AUTS2: variants seen among roughly 807,000 people sequenced by gnomAD.
AUTS2 encodes the protein autism susceptibility gene 2 protein.
Under a neutral mutation model 112.4 loss-of-function variants are expected in AUTS2, and 17 were observed. The ratio of observed to expected loss-of-function variants is 0.15; its 90% CI spans 0.10 to 0.23. The LOEUF is 0.23. Among genes scored for constraint, AUTS2 ranks in the 10% least tolerant of loss-of-function variants. The pLI is 1.00. For synonymous variants in AUTS2, 751 were observed against 702.7 expected, an observed-to-expected ratio of 1.07 and a Z score of -1.09; for missense variants, 1,510 against 1,701.6, an observed-to-expected ratio of 0.89 and a Z score of 1.98.
In AUTS2 at chr7:70,762,488, G is replaced by A. The variant is rs1476209914; in HGVS notation, c.743-382G>A. Among the ~76,000 whole-genome samples the A allele has an allele frequency of 2.6e-5, 4 of 151,854 alleles. No individual in the cohort carries two copies. The South Asian group carries it at 8.4e-4, about 32-fold the overall frequency. ...TTGCTATGTTGCCCAGGCTGGTCTCGAACTCCTGGGCTCAAGCAATCCTTC... is the reference window on the plus strand; with the variant it reads ...TTGCTATGTTGCCCAGGCTGGTCTCAAACTCCTGGGCTCAAGCAATCCTTC... On this transcript the variant is annotated intron_variant, in intron 6 of 18. Transcript: ENST00000342771.
At chr7:70,104,253 T>C (rs1168236548) in intron 2 of AUTS2, among the ~76,000 whole-genome samples, 2 of 152,152 alleles carry the variant, frequency 1.3e-5, no homozygotes, top group Admixed American at 6.5e-5. Context: ...AAGTTGTTTT[T>C]TCTTTTTTTT....
At chr7:70,531,919 T>TCTGG (rs1475918975) in intron 5 of AUTS2, among the ~76,000 whole-genome samples, 2 of 152,216 alleles carry the variant, frequency 1.3e-5, no homozygotes, top group Non-Finnish European at 2.9e-5. Context: ...ATTGTACCTC[T>TCTGG]CTGGGCCAGC....
rs1431580969 is a variant in AUTS2 at position 70,318,288 on chromosome 7, C to T, written c.661-117464C>T. On this transcript the variant is annotated intron_variant, in intron 4 of 18. Coordinates refer to ENST00000342771, the MANE Select transcript of AUTS2 (RefSeq NM_015570.4). ...GATGGGGACTGGAGGCCAGTTAGGA[C>T]GACACTGTAGAGGCCAGTGTGAGGA... Among the ~76,000 whole-genome samples, 12 of 151,664 alleles carry T rather than the reference C, an allele frequency of 7.9e-5. No homozygotes were observed. The East Asian group carries it at 1.8e-3, about 22-fold the overall frequency.
chr7:69,946,728 TCA>T (rs779906236), intron 2 of AUTS2, among the ~76,000 whole-genome samples: 1 of 152,126 alleles, frequency 6.6e-6, no homozygotes, highest in Non-Finnish European at 1.5e-5. Context: ...TATGAATATA[TCA>T]CATTTTGTTT....
At chr7:70,419,257 T>G (rs1040942869) in intron 4 of AUTS2, among the ~76,000 whole-genome samples, 3 of 152,134 alleles carry the variant, frequency 2.0e-5, no homozygotes, top group African/African-American at 7.2e-5. Context: ...TTCCCCAATT[T>G]GGTAACATTT....
intron 1 of AUTS2, among the ~76,000 whole-genome samples, chr7:69,751,569 G>A (rs1251688817): frequency 1.3e-5 from 2 of 152,202 alleles, no homozygotes; most frequent in East Asian, 3.8e-4. Context: ...TAGATGAAAG[G>A]ATGAATTATT....
chr7:70,222,999 T>G (rs1327632366), intron 4 of AUTS2, among the ~76,000 whole-genome samples: 1 of 151,704 alleles, frequency 6.6e-6, no homozygotes, highest in Non-Finnish European at 1.5e-5. Context: ...GCGGTTCTCC[T>G]GCCTCAGTCT....
chr7:70,504,114 C>T (rs1798873832), intron 5 of AUTS2, among the ~76,000 whole-genome samples: 4 of 148,232 alleles, frequency 2.7e-5, no homozygotes, highest in Non-Finnish European at 4.5e-5. Context: ...TCTCATCTGT[C>T]GTCTTGCAGG....
intron 2 of AUTS2, among the ~76,000 whole-genome samples, chr7:69,931,749 G>A (rs1253013794): frequency 6.6e-6 from 1 of 152,110 alleles, no homozygotes; most frequent in East Asian, 1.9e-4. Flanking sequence ...TACTGTTTTA[G>A]AAGGAAAAGA....
chr7:70,116,252 C>T (rs1244375343), intron 2 of AUTS2, among the ~76,000 whole-genome samples: 4 of 152,026 alleles, frequency 2.6e-5, no homozygotes, highest in African/African-American at 4.8e-5. Context: ...GAAGGCTTCC[C>T]GGAGAAAGGG....
In AUTS2 at chr7:70,015,527, C is replaced by G. The variant is rs549537833; in HGVS notation, c.523-102605C>G. On this transcript the variant is annotated intron_variant, in intron 2 of 18. Transcript: ENST00000342771. ...GTATAATAACTTCCCCAATAATTGA[C>G]AGAGTACTTTACTCAGAGGCTTTAC... Among the ~76,000 whole-genome samples, 3 of 152,274 alleles carry G rather than the reference C, an allele frequency of 2.0e-5. No individual in the cohort carries two copies. In the South Asian group the frequency reaches 6.2e-4, roughly 32 times the overall value.
intron 10 of AUTS2, among the ~76,000 whole-genome samples, chr7:70,770,463 C>T (rs894638785): frequency 3.3e-5 from 5 of 152,284 alleles, no homozygotes; most frequent in East Asian, 1.9e-4. Context: ...TAAACCACCA[C>T]GAAGGTGGGG....
intron 4 of AUTS2, among the ~76,000 whole-genome samples, chr7:70,226,767 A>G (rs1811787507): frequency 6.6e-6 from 1 of 152,062 alleles, no homozygotes; most frequent in Non-Finnish European, 1.5e-5. Flanking sequence ...TTTTGCAACT[A>G]TATTGTTATT....
chr7:69,956,858 G>C (rs1419528010), intron 2 of AUTS2, among the ~76,000 whole-genome samples: 1 of 151,816 alleles, frequency 6.6e-6, no homozygotes, highest in Non-Finnish European at 1.5e-5. Flanking sequence ...GAGAACAAGT[G>C]GTTTTATTTT....
At chr7:69,721,055 T>C (rs938713396) in intron 1 of AUTS2, among the ~76,000 whole-genome samples, 2 of 152,184 alleles carry the variant, frequency 1.3e-5, no homozygotes, top group Non-Finnish European at 2.9e-5. Context: ...ACCATCCAAT[T>C]GTTATGCTGG....
At chr7:69,633,267 T>C (rs903985728) in intron 1 of AUTS2, among the ~76,000 whole-genome samples, 38 of 152,076 alleles carry the variant, frequency 2.5e-4, no homozygotes, top group African/African-American at 6.5e-4. Context: ...AATGGTAAGA[T>C]TGAGTTTTTT....
intron 1 of AUTS2, among the ~76,000 whole-genome samples, chr7:69,602,379 C>T (rs1792485638): frequency 6.6e-6 from 1 of 151,986 alleles, no homozygotes; most frequent in Non-Finnish European, 1.5e-5. Context: ...ATCTAAATAT[C>T]ATATGTCTAT....
chr7:70,747,975 C>A (rs1042041358), intron 6 of AUTS2, among the ~76,000 whole-genome samples: 1 of 146,276 alleles, frequency 6.8e-6, no homozygotes. Flanking sequence ...GCACCTGCCA[C>A]CACGCCCAGC....
intron 2 of AUTS2, among the ~76,000 whole-genome samples, chr7:69,993,460 A>G (rs552873307): frequency 6.6e-5 from 10 of 152,272 alleles, no homozygotes; most frequent in Admixed American, 3.9e-4. Flanking sequence ...TTTTGAATAT[A>G]TGTTACTAGG....
Sources: gnomAD v4.1 joint callset for allele counts (sites outside exome capture counted in the v4.1 genomes callset) on GRCh38, gnomAD v4.1.1 for gene constraint, MANE v1.5 for transcripts, NCBI Gene and HGNC (gene_info 2026-07-23, HGNC 2026-07-21) for gene names.